ANXA4: variants seen among roughly 807,000 people sequenced by gnomAD.
The protein encoded by ANXA4 is annexin A4.
Under a neutral mutation model 49.8 loss-of-function variants are expected in ANXA4, and 39 were observed. The observed-to-expected ratio is 0.78, with a 90% CI of 0.61 to 1.02. ANXA4 has a LOEUF of 1.02. Among genes scored for constraint, ANXA4 ranks in the 50% least tolerant of loss-of-function variants. The pLI is 0.00. For missense variants in ANXA4, 360 were observed against 410.1 expected (o/e 0.88, Z 1.05); for synonymous variants, 134 against 152.5 (o/e 0.88, Z 0.89).
chr2:69,817,799 T>A (rs1198150013), intron 9 of ANXA4: 1 of 152,212 alleles, frequency 6.6e-6, no homozygotes, highest in Non-Finnish European at 1.5e-5. Context: ...GGAAGTTTAA[T>A]AGGTTTCTCT....
At chr2:69,731,593 G>A (rs1032542826) in intron 3 of ANXA4, among the ~76,000 whole-genome samples, 5 of 152,140 alleles carry the variant, frequency 3.3e-5, no homozygotes, top group Admixed American at 2.0e-4. Flanking sequence ...GTTTGATGAC[G>A]CTTGAATATG....
At chr2:69,650,654 A>G (rs188116888) in intron 1 of ANXA4, among the ~76,000 whole-genome samples, 5 of 152,076 alleles carry the variant, frequency 3.3e-5, no homozygotes, top group African/African-American at 9.7e-5. Flanking sequence ...GGGTGTTTCT[A>G]TGTTGCCTAG....
intron 2 of ANXA4, among the ~76,000 whole-genome samples, chr2:69,694,964 G>A (rs528989626): frequency 2.0e-5 from 3 of 151,870 alleles, no homozygotes; most frequent in East Asian, 1.9e-4. Flanking sequence ...GCAACATGGC[G>A]AAACCTCGTC....
chr2:69,826,629 A>G lies in ANXA4; in HGVS notation c.*1114A>G, dbSNP rs916621008. ...GAGAAACTGCATCTCTACTAAAAATATAAAAATTAGCCGGGTGTGGTGGCT... is the reference window on the plus strand; with the variant it reads ...GAGAAACTGCATCTCTACTAAAAATGTAAAAATTAGCCGGGTGTGGTGGCT... On this transcript the variant is annotated 3_prime_UTR_variant, in exon 13 of 13. Coordinates refer to ENST00000394295, the MANE Select transcript of ANXA4 (RefSeq NM_001153.5). 6.6e-5 allele frequency: 10 copies of G among 152,194 alleles called. No individual in the cohort carries two copies. The highest frequency in any genetic ancestry group is 9.7e-5 in the African/African-American group (4 of 41,444). The allele number at this position is 152,194 out of a possible 1,614,324, so 9.4% of individuals were successfully genotyped here.
At chr2:69,668,482 CT>C (rs1469009397) in intron 2 of ANXA4, among the ~76,000 whole-genome samples, 3 of 152,114 alleles carry the variant, frequency 2.0e-5, no homozygotes, top group African/African-American at 7.2e-5. Flanking sequence ...TGAATTGTCC[CT>C]TTCCTAGAGA....
At chr2:69,711,869 TG>T (rs1300095559) in intron 2 of ANXA4, among the ~76,000 whole-genome samples, 4 of 150,100 alleles carry the variant, frequency 2.7e-5, no homozygotes, top group Admixed American at 6.7e-5. Context: ...GTTGAGTTAA[TG>T]AGGGCACAGA....
At position 69,788,137 on chromosome 2, in the gene ANXA4, G is replaced by T; in HGVS notation, c.93G>T (p.Gly31=). The change falls in exon 3 of 13, where the codon GGG becomes GGT. Residue 31 remains glycine (G), a synonymous_variant. Coordinates refer to ENST00000394295, the MANE Select transcript of ANXA4 (RefSeq NM_001153.5). ...DAQTLRKAMK[G]LGTDEDAIIS... ...AGACCCTGAGGAAGGCCATGAAAGG[G>T]CTCGGTATGTGTCCTGCTGGAAGTG... The T allele has an allele frequency of 1.2e-6, 2 of 1,613,542 alleles. No homozygotes were observed. The highest frequency in any genetic ancestry group is 1.7e-6 in the Non-Finnish European group (2 of 1,179,522).
intron 3 of ANXA4, among the ~76,000 whole-genome samples, chr2:69,733,245 G>C (rs1369823765): frequency 6.6e-6 from 1 of 152,192 alleles, no homozygotes; most frequent in Non-Finnish European, 1.5e-5. Flanking sequence ...AATTATTGGT[G>C]TTAAGCTATT....
chr2:69,792,335 C>T (rs1370148691), intron 3 of ANXA4, among the ~76,000 whole-genome samples: 4 of 152,152 alleles, frequency 2.6e-5, no homozygotes, highest in Non-Finnish European at 5.9e-5. Flanking sequence ...TTAAATTTTA[C>T]CCTTGCATTA....
At chr2:69,788,856 A>G (rs868488475) in intron 3 of ANXA4, among the ~76,000 whole-genome samples, 24 of 148,174 alleles carry the variant, frequency 1.6e-4, no homozygotes, top group African/African-American at 5.5e-4. Flanking sequence ...AAAAAAAAAG[A>G]AAGAGGGAAA....
chr2:69,794,507 A>G (rs62133997), intron 3 of ANXA4, among the ~76,000 whole-genome samples: 1,347 of 79,932 alleles, frequency 0.017, 20 homozygotes, highest in East Asian at 0.029. Context: ...GTTATGTTAT[A>G]TTATGTTATG....
intron 2 of ANXA4, among the ~76,000 whole-genome samples, chr2:69,719,211 TG>T (rs1669751679): frequency 6.7e-6 from 1 of 149,888 alleles, no homozygotes; most frequent in African/African-American, 2.5e-5. Context: ...CTCCTGACCT[TG>T]CCACACCCCC....
At chr2:69,673,582 C>G (rs900778992) in intron 2 of ANXA4, among the ~76,000 whole-genome samples, 12 of 151,736 alleles carry the variant, frequency 7.9e-5, no homozygotes, top group African/African-American at 2.7e-4. Flanking sequence ...GCACAGCAAA[C>G]CACCATGGCA....
Position 69,796,346 on chromosome 2 carries a change from G to T in ANXA4, c.98-8187G>T, listed in dbSNP as rs565281954. 1.2e-4 allele frequency among the ~76,000 whole-genome samples: 18 copies of T among 152,132 alleles called. No individual in the cohort carries two copies. The East Asian group carries it at 2.7e-3, about 23-fold the overall frequency. ...TAGTCACTTTCTCTTTTTCTCCTGG[G>T]GCTCCTCCCAGTCCCTATGGTAAAA... On this transcript the variant is annotated intron_variant, in intron 3 of 12. Coordinates refer to ENST00000394295, the MANE Select transcript of ANXA4 (RefSeq NM_001153.5).
In ANXA4 at chr2:69,714,518, G is replaced by T. The variant is rs1481456521; in HGVS notation, n.767-6256G>T. ...CCACCTGCCCCAGTCCAGCCAGCCTGCTGTCCACAGTGTGCCCATCAGTGT... is the reference window on the plus strand; with the variant it reads ...CCACCTGCCCCAGTCCAGCCAGCCTTCTGTCCACAGTGTGCCCATCAGTGT... On this transcript the variant is annotated intron_variant and non_coding_transcript_variant, in intron 2 of 3. Coordinates refer to the ANXA4 transcript ENST00000418066. Among the ~76,000 whole-genome samples, 10 of 152,212 alleles carry T rather than the reference G, an allele frequency of 6.6e-5. 1 individual carries two copies. The highest frequency in any genetic ancestry group is 4.1e-4 in the South Asian group (2 of 4,832).
chr2:69,819,517 G>A (rs1487348381), intron 11 of ANXA4, among the ~76,000 whole-genome samples, 179 bp downstream of exon 11: 3 of 152,142 alleles, frequency 2.0e-5, no homozygotes, highest in Non-Finnish European at 4.4e-5. Context: ...TACTTAGGAT[G>A]TATGGATCAC....
rs1672123962 is a variant in ANXA4, at chr2:69,779,872, T to C, written c.-46-1648T>C. Among the ~76,000 whole-genome samples the C allele has an allele frequency of 2.6e-5, 4 of 152,214 alleles. No individual in the cohort carries two copies. The South Asian group carries it at 8.3e-4, about 31-fold the overall frequency. The stretch of plus-strand genomic sequence containing the variant: ...TGAAACTGCAGCTCATTCCCACCTC[T>C]GTACCTTTGCTCAGGGTGTGTCCCA... On this transcript the variant is annotated intron_variant, in intron 1 of 12. Coordinates refer to ENST00000394295, the MANE Select transcript of ANXA4 (RefSeq NM_001153.5).
intron 1 of ANXA4, among the ~76,000 whole-genome samples, chr2:69,755,081 C>T (rs1231897121): frequency 6.6e-6 from 1 of 152,152 alleles, no homozygotes; most frequent in South Asian, 2.1e-4. Flanking sequence ...GTGAAATAAT[C>T]CAGACACAGA....
chr2:69,815,904 G>A (rs533210414), intron 8 of ANXA4, 197 bp from the exon 9 acceptor site: 24 of 559,524 alleles, frequency 4.3e-5, no homozygotes, highest in African/African-American at 3.9e-4. Context: ...TGACTCCCAG[G>A]GGGGTATGAC....
Sources: allele counts gnomAD v4.1 joint callset (sites outside exome capture counted in the v4.1 genomes callset), GRCh38; gene constraint gnomAD v4.1.1; transcripts MANE v1.5; gene names NCBI Gene and HGNC (gene_info 2026-07-23, HGNC 2026-07-21).